The following PAX5 variants were observed in gnomAD, a reference collection of about 807,000 sequenced individuals.
The protein encoded by PAX5 is paired box 5.
Under a neutral mutation model 43.7 loss-of-function variants are expected in PAX5, and 9 were observed. That is an observed-to-expected ratio of 0.21 (90% CI 0.12 to 0.36). PAX5 has a LOEUF of 0.36. Among genes scored for constraint, PAX5 ranks in the 10% least tolerant of loss-of-function variants. The pLI is 1.00. For synonymous variants in PAX5, 228 were observed against 214.3 expected (o/e 1.06, Z -0.56); for missense variants, 383 against 532.7 (o/e 0.72, Z 2.77).
At chr9:36,939,660 C>T (rs1252343440) in intron 6 of PAX5, among the ~76,000 whole-genome samples, 1 of 152,164 alleles carries the variant, frequency 6.6e-6, no homozygotes, top group South Asian at 2.1e-4. Flanking sequence ...CAGCTCCTGA[C>T]AGCCTGCTAA....
chr9:36,912,207 T>TA (rs1200976379), intron 7 of PAX5, among the ~76,000 whole-genome samples: 1 of 152,216 alleles, frequency 6.6e-6, no homozygotes, highest in African/African-American at 2.4e-5. Flanking sequence ...AGGGCAGAGA[T>TA]AAGGGACTCT....
rs529422578 is a variant in PAX5, at chr9:36,940,790, G to T, written c.781-17306C>A. On this transcript the variant is annotated intron_variant, in intron 6 of 9. Transcript: ENST00000358127. ...GGAGTCTAGAAGCTCCACAAGGGCAGTGATTTTCATCTGCTTTGTTCTCTG... is the reference window on the plus strand; with the variant it reads ...GGAGTCTAGAAGCTCCACAAGGGCATTGATTTTCATCTGCTTTGTTCTCTG... Among the ~76,000 whole-genome samples the T allele has an allele frequency of 4.6e-5, 7 of 152,304 alleles. No homozygotes were observed. The East Asian group carries it at 1.4e-3, about 29-fold the overall frequency.
At chr9:36,961,446 A>G (rs1588088830) in intron 6 of PAX5, among the ~76,000 whole-genome samples, 1 of 152,304 alleles carries the variant, frequency 6.6e-6, no homozygotes, top group Non-Finnish European at 1.5e-5. Context: ...TCCATTTTGC[A>G]CCCGTATTGA....
At chr9:36,995,427 C>A (rs1400545585) in intron 5 of PAX5, among the ~76,000 whole-genome samples, 1 of 152,092 alleles carries the variant, frequency 6.6e-6, no homozygotes. Context: ...GGGAGGCCCG[C>A]GAGAGAAGGG....
intron 6 of PAX5, among the ~76,000 whole-genome samples, chr9:36,951,732 T>C (rs886362649): frequency 1.3e-5 from 2 of 152,224 alleles, no homozygotes; most frequent in Non-Finnish European, 2.9e-5. Flanking sequence ...CTATCCTCTA[T>C]TGTGTAATTT....
chr9:36,983,713 A>T (rs1836133497), intron 5 of PAX5, among the ~76,000 whole-genome samples: 2 of 152,206 alleles, frequency 1.3e-5, no homozygotes, highest in Non-Finnish European at 2.9e-5. Context: ...AGCTCAAGGG[A>T]TCCACCCCTC....
chr9:36,842,527 A>C (rs1563879245), intron 9 of PAX5, among the ~76,000 whole-genome samples: 1 of 152,194 alleles, frequency 6.6e-6, no homozygotes, highest in African/African-American at 2.4e-5. Flanking sequence ...TCCGTGTGAA[A>C]GCTTGCATTT....
At position 36,927,925 on chromosome 9, in the gene PAX5, G is replaced by T. The variant is rs181187458; in HGVS notation, c.781-4441C>A. On this transcript the variant is annotated intron_variant, in intron 6 of 9. Coordinates refer to ENST00000358127, the MANE Select transcript of PAX5 (RefSeq NM_016734.3). The stretch of plus-strand genomic sequence containing the variant: ...GGGTTTCGCCATGTTGGCCAGGCTG[G>T]TCTTGAACTTCTGGCTTCAAGTGAT... Among the ~76,000 whole-genome samples, 800 of 152,292 alleles carry T rather than the reference G, an allele frequency of 5.3e-3. 3 individuals are homozygous for T. Among genetic ancestry groups the T allele is most frequent in the Middle Eastern group, 0.048 (14 of 292 alleles).
chr9:36,984,435 C>CTTTTTTTTTTTTTTTTTTTTTTTT lies in PAX5; in HGVS notation c.605-17712_605-17711insAAAAAAAAAAAAAAAAAAAAAAAA, dbSNP rs10663927. Among the ~76,000 whole-genome samples the CTTTTTTTTTTTTTTTTTTTTTTTT allele has an allele frequency of 1.2e-4, 8 of 66,872 alleles. 1 individual carries two copies. Among genetic ancestry groups the CTTTTTTTTTTTTTTTTTTTTTTTT allele is most frequent in the African/African-American group, 5.3e-4 (8 of 15,098 alleles). 43.9% of individuals were successfully genotyped at this position (66,872 alleles called of 152,430 possible). A position where few individuals can be genotyped will look rare whatever the true frequency, so the allele number is the denominator to read the frequency against. On this transcript the variant is annotated intron_variant, in intron 5 of 9. Transcript: ENST00000358127. The stretch of plus-strand genomic sequence containing the variant: ...GCCCTGGATTGGTTATTGAACCTCT[C>CTTTTTTTTTTTTTTTTTTTTTTTT]TTTTTTTTTTTTTTTTTTTTTTGAG...
chr9:36,851,812 C>A (rs1264062536), intron 8 of PAX5, among the ~76,000 whole-genome samples: 1 of 152,208 alleles, frequency 6.6e-6, no homozygotes, highest in Admixed American at 6.5e-5. Flanking sequence ...TCCCCCTTCT[C>A]TAGCTGCTGT....
chr9:36,997,603 C>T (rs1837498175), intron 5 of PAX5, among the ~76,000 whole-genome samples: 1 of 152,260 alleles, frequency 6.6e-6, no homozygotes, highest in African/African-American at 2.4e-5. Flanking sequence ...GAGGGAGGTG[C>T]TGACTCAGCC....
At chr9:36,930,608 G>C (rs1831047634) in intron 6 of PAX5, among the ~76,000 whole-genome samples, 2 of 152,192 alleles carry the variant, frequency 1.3e-5, no homozygotes, top group African/African-American at 4.8e-5. Context: ...ATAACACAGG[G>C]TTTTTGTCCC....
In PAX5 at chr9:36,840,035, A is replaced by G. The variant is rs986150007; in HGVS notation, c.*525T>C. The G allele has an allele frequency of 2.0e-5, 5 of 252,096 alleles. No homozygotes were observed. Among genetic ancestry groups the G allele is most frequent in the Non-Finnish European group, 3.1e-5 (4 of 128,968 alleles). 15.6% of individuals were successfully genotyped at this position (252,096 alleles called of 1,614,324 possible). On this transcript the variant is annotated 3_prime_UTR_variant, in exon 10 of 10. Coordinates refer to ENST00000358127, the MANE Select transcript of PAX5 (RefSeq NM_016734.3). The stretch of plus-strand genomic sequence containing the variant: ...GAGGACAGCTCTGAGCGCACCTGCC[A>G]GGGTCACCCAGGGCAGAGAGGATGC...
At chr9:36,985,159 G>T (rs1181696291) in intron 5 of PAX5, among the ~76,000 whole-genome samples, 1 of 152,216 alleles carries the variant, frequency 6.6e-6, no homozygotes, top group African/African-American at 2.4e-5. Context: ...TTCAAATGGG[G>T]GGTGGGGTGG....
At chr9:36,933,629 C>T (rs1371086129) in intron 6 of PAX5, among the ~76,000 whole-genome samples, 1 of 152,222 alleles carries the variant, frequency 6.6e-6, no homozygotes, top group African/African-American at 2.4e-5. Flanking sequence ...GACACTCCTC[C>T]ATGAAGGGCC....
At chr9:37,002,872 C>A in intron 4 of PAX5, 96 bp from the exon 5 acceptor site, 4 of 1,433,396 alleles carry the variant, frequency 2.8e-6, no homozygotes, top group African/African-American at 2.8e-5. Context: ...TGGGAGGGAG[C>A]GAGCGCAGGG....
At chr9:36,878,548 G>A (rs1826124334) in intron 8 of PAX5, among the ~76,000 whole-genome samples, 2 of 152,208 alleles carry the variant, frequency 1.3e-5, no homozygotes, top group African/African-American at 4.8e-5. Flanking sequence ...AATGATGAAG[G>A]AACTGATGGG....
intron 7 of PAX5, among the ~76,000 whole-genome samples, chr9:36,898,537 C>G (rs74719756): frequency 6.6e-5 from 10 of 152,190 alleles, no homozygotes; most frequent in Non-Finnish European, 1.3e-4. Context: ...TGAAGCTCAC[C>G]GGGCAGGAGG....
chr9:37,022,808 T>C (rs1446231800), intron 1 of PAX5, among the ~76,000 whole-genome samples: 1 of 152,172 alleles, frequency 6.6e-6, no homozygotes, highest in African/African-American at 2.4e-5. Flanking sequence ...GAGATAGTAA[T>C]GCTCTTTCAC....
Sources: gnomAD v4.1 joint callset for allele counts (sites outside exome capture counted in the v4.1 genomes callset) on GRCh38, gnomAD v4.1.1 for gene constraint, MANE v1.5 for transcripts, NCBI Gene and HGNC (gene_info 2026-07-23, HGNC 2026-07-21) for gene names.